Variants in ZFR observed in about 807,000 individuals in gnomAD.
ZFR encodes zinc finger RNA binding protein, also known as zinc finger RNA-binding protein.
A neutral mutation model predicts 130.7 loss-of-function variants in ZFR; 19 were observed. That is an observed-to-expected ratio of 0.15 (90% CI 0.10 to 0.21). ZFR has a LOEUF of 0.21. ZFR is among the 10% of genes least tolerant of loss of function. The pLI is 1.00. For synonymous variants in ZFR, 466 were observed against 456.9 expected, an observed-to-expected ratio of 1.02 and a Z score of -0.25; for missense variants, 872 against 1,321.5, an observed-to-expected ratio of 0.66 and a Z score of 5.27.
intron 19 of ZFR, among the ~76,000 whole-genome samples, chr5:32,360,955 G>A (rs947069559): frequency 1.3e-5 from 2 of 152,010 alleles, no homozygotes; most frequent in African/African-American, 2.4e-5. Flanking sequence ...TGCGATTACA[G>A]GTGCACGCCA....
chr5:32,431,697 G>C (rs573684505), intron 2 of ZFR, among the ~76,000 whole-genome samples: 2 of 148,692 alleles, frequency 1.3e-5, no homozygotes, highest in Non-Finnish European at 3.0e-5. Context: ...ACTTTTCTAG[G>C]ACAAATTGTG....
At chr5:32,383,049 T>A (rs1752965985) in intron 15 of ZFR, among the ~76,000 whole-genome samples, 1 of 152,238 alleles carries the variant, frequency 6.6e-6, no homozygotes, top group South Asian at 2.1e-4. Flanking sequence ...CACACTATTT[T>A]AAGATTAAAC....
chr5:32,357,423 G>A (rs1229106877), intron 19 of ZFR, among the ~76,000 whole-genome samples: 1 of 151,948 alleles, frequency 6.6e-6, no homozygotes, highest in Non-Finnish European at 1.5e-5. Context: ...ATACCACCAC[G>A]CCAGGCTAAC....
intron 2 of ZFR, among the ~76,000 whole-genome samples, chr5:32,431,123 G>A (rs1182868935): frequency 6.6e-6 from 1 of 152,078 alleles, no homozygotes; most frequent in East Asian, 1.9e-4. Flanking sequence ...CCACGCTAAT[G>A]GAAATTCTCA....
At chr5:32,438,394 G>C (rs1331791685) in intron 2 of ZFR, among the ~76,000 whole-genome samples, 1 of 151,588 alleles carries the variant, frequency 6.6e-6, no homozygotes, top group Non-Finnish European at 1.5e-5. Flanking sequence ...CTCCCGAGTA[G>C]CTGGGATTAC....
chr5:32,406,891 C>T lies in ZFR; in HGVS notation c.915G>A (p.Gly305=), dbSNP rs1162131945. The part of the protein sequence containing the change: ...AAAAATAAWT[G]TTFTKKAPFQ... ...ATGGTGCTTTTTTAGTAAAGGTGGT[C>T]CCTGTCCAGGCAGCTGTTGCAGCAG... Residue 305 remains glycine, a synonymous_variant, in exon 6 of 20, where the codon GGG becomes GGA. Transcript: ENST00000265069. 6.2e-7 allele frequency: 1 copy of T among 1,613,616 alleles called. No homozygotes were observed. Among genetic ancestry groups the T allele is most frequent in the African/African-American group, 1.3e-5 (1 of 74,842 alleles).
rs10073173 is a variant in ZFR, at chr5:32,382,323, A to C, written c.2642-2151T>G. Among the ~76,000 whole-genome samples, 264 of 152,216 alleles carry C rather than the reference A, an allele frequency of 1.7e-3. 2 individuals carry two copies. Among genetic ancestry groups the C allele is most frequent in the African/African-American group, 6.0e-3 (248 of 41,540 alleles). Reference sequence around the variant, plus strand: ...GACTGTCTCAAAAACAAAGCAAAACAAAACCAAACCCCTCACACACACAAA... The same window carrying C: ...GACTGTCTCAAAAACAAAGCAAAACCAAACCAAACCCCTCACACACACAAA... On this transcript the variant is annotated intron_variant, in intron 15 of 19. Coordinates refer to ENST00000265069, the MANE Select transcript of ZFR (RefSeq NM_016107.5).
chr5:32,421,997 C>G (rs1753968837), intron 2 of ZFR, among the ~76,000 whole-genome samples: 1 of 152,100 alleles, frequency 6.6e-6, no homozygotes, highest in South Asian at 2.1e-4. Flanking sequence ...TACAACAGGT[C>G]TGTGAAACTT....
chr5:32,387,482 C>G, intron 14 of ZFR, 67 bp downstream of exon 14: 3 of 1,571,782 alleles, frequency 1.9e-6, no homozygotes, highest in Non-Finnish European at 2.6e-6. Flanking sequence ...AACCGAAGCA[C>G]AGTCAGTCCC....
At chr5:32,424,093 T>C (rs1029913232) in intron 2 of ZFR, among the ~76,000 whole-genome samples, 1 of 152,258 alleles carries the variant, frequency 6.6e-6, no homozygotes, top group Non-Finnish European at 1.5e-5. Flanking sequence ...GGTCAGCAGC[T>C]GTGGTGGCAG....
intron 2 of ZFR, among the ~76,000 whole-genome samples, chr5:32,430,991 C>T (rs1754199960): frequency 6.6e-6 from 1 of 152,124 alleles, no homozygotes; most frequent in Non-Finnish European, 1.5e-5. Flanking sequence ...GGGAGGACTG[C>T]TTGAGCCCGG....
intron 2 of ZFR, among the ~76,000 whole-genome samples, chr5:32,432,227 C>A (rs986109804): frequency 6.6e-6 from 1 of 151,994 alleles, no homozygotes; most frequent in Non-Finnish European, 1.5e-5. Flanking sequence ...ACTTTGATTG[C>A]GCCACTGCAA....
chr5:32,415,806 A>G (rs1324362358), intron 4 of ZFR, among the ~76,000 whole-genome samples: 1 of 152,186 alleles, frequency 6.6e-6, no homozygotes, highest in African/African-American at 2.4e-5. Context: ...GACATACTCA[A>G]AACAATGTAT....
chr5:32,378,564 T>C (rs762078038), intron 17 of ZFR, among the ~76,000 whole-genome samples: 1 of 152,112 alleles, frequency 6.6e-6, no homozygotes, highest in Non-Finnish European at 1.5e-5. Flanking sequence ...TACATAAAGA[T>C]AGAAACATAT....
At position 32,354,412 on chromosome 5, in the gene ZFR, C is replaced by G. The variant is rs773783449; in HGVS notation, c.*1348G>C. 6.6e-6 allele frequency: 1 copy of G among 152,556 alleles called. No homozygotes were observed. Among genetic ancestry groups the G allele is most frequent in the Non-Finnish European group, 1.5e-5 (1 of 68,018 alleles). 9.5% of individuals were successfully genotyped at this position (152,556 alleles called of 1,614,324 possible). A position where few individuals can be genotyped will look rare whatever the true frequency, so the allele number is the denominator to read the frequency against. The stretch of plus-strand genomic sequence containing the variant: ...TCAAAGCAAAAGTAGTTTATGTTGT[C>G]AATTCTAACATATAATACATTTAAG... On this transcript the variant is annotated 3_prime_UTR_variant, in exon 20 of 20. Transcript: ENST00000265069.
chr5:32,401,670 T>A (rs1753450868), intron 8 of ZFR, among the ~76,000 whole-genome samples: 1 of 152,144 alleles, frequency 6.6e-6, no homozygotes, highest in African/African-American at 2.4e-5. Flanking sequence ...AAATGAGGAC[T>A]ACAGATTTTA....
At chr5:32,369,469 T>G (rs569993391) in intron 17 of ZFR, among the ~76,000 whole-genome samples, 1 of 148,802 alleles carries the variant, frequency 6.7e-6, no homozygotes, top group South Asian at 2.1e-4. Context: ...TCCTTTACAT[T>G]TGATATATCA....
chr5:32,437,823 C>G (rs1401864216), intron 2 of ZFR, among the ~76,000 whole-genome samples: 1 of 152,058 alleles, frequency 6.6e-6, no homozygotes, highest in Admixed American at 6.6e-5. Flanking sequence ...ATCTGTCTAT[C>G]CCTGTACCAA....
chr5:32,390,606 G>C (rs1581692355), intron 11 of ZFR, among the ~76,000 whole-genome samples, 169 bp from the exon 12 acceptor site: 2 of 152,168 alleles, frequency 1.3e-5, no homozygotes, highest in African/African-American at 4.8e-5. Flanking sequence ...CGAAGTAAAT[G>C]AAAGAGAAAA....
Sources: allele counts gnomAD v4.1 joint callset (sites outside exome capture counted in the v4.1 genomes callset), GRCh38; gene constraint gnomAD v4.1.1; transcripts MANE v1.5; gene names NCBI Gene and HGNC (gene_info 2026-07-23, HGNC 2026-07-21).